Variants in ANXA3 observed in about 807,000 individuals in gnomAD.
ANXA3 encodes 35-alpha calcimedin.
A neutral mutation model predicts 48.8 loss-of-function variants in ANXA3; 46 were observed. That is an observed-to-expected ratio of 0.94 (90% CI 0.74 to 1.21). The LOEUF is 1.21. ANXA3 is among the 50% of genes most tolerant of loss of function. The pLI, the probability that ANXA3 is intolerant of heterozygous loss-of-function variation, is 0.00. For missense variants in ANXA3, 383 were observed against 378.6 expected (o/e 1.01, Z -0.10); for synonymous variants, 128 against 134.7 (o/e 0.95, Z 0.35).
At chr4:78,591,661 G>T (rs1723298274) in intron 7 of ANXA3, 38 bp downstream of exon 7, 1 of 1,414,096 alleles carries the variant, frequency 7.1e-7, no homozygotes, top group Non-Finnish European at 1.0e-6. Flanking sequence ...TCCCCAGTAA[G>T]CTGCATGCTC....
chr4:78,560,733 A>G (rs948671234), intron 2 of ANXA3, among the ~76,000 whole-genome samples: 1 of 152,178 alleles, frequency 6.6e-6, no homozygotes, highest in African/African-American at 2.4e-5. Flanking sequence ...ACCAGCCATC[A>G]TTCTAAGGCT....
intron 6 of ANXA3, among the ~76,000 whole-genome samples, chr4:78,588,064 C>T: frequency 6.6e-6 from 1 of 152,176 alleles, no homozygotes; most frequent in Non-Finnish European, 1.5e-5. Context: ...CCACTGCACT[C>T]CAGCCTGGGC....
chr4:78,605,330 G>A (rs1354801882), intron 12 of ANXA3, among the ~76,000 whole-genome samples: 1 of 152,158 alleles, frequency 6.6e-6, no homozygotes, highest in Non-Finnish European at 1.5e-5. Flanking sequence ...GTATCTCAGT[G>A]TAGTTGTAAT....
At chr4:78,580,945 A>G (rs1475920554) in intron 4 of ANXA3, among the ~76,000 whole-genome samples, 2 of 152,250 alleles carry the variant, frequency 1.3e-5, no homozygotes, top group African/African-American at 4.8e-5. Flanking sequence ...GCCTTTTGGT[A>G]TTTCCAAAAT....
intron 12 of ANXA3, among the ~76,000 whole-genome samples, chr4:78,604,863 G>A (rs377439580): frequency 1.8e-4 from 28 of 152,170 alleles, no homozygotes; most frequent in African/African-American, 6.3e-4. Flanking sequence ...TCCATTGTTT[G>A]TATATTTGTA....
intron 2 of ANXA3, among the ~76,000 whole-genome samples, chr4:78,558,217 T>A (rs755744184): frequency 6.6e-6 from 1 of 152,158 alleles, no homozygotes; most frequent in African/African-American, 2.4e-5. Flanking sequence ...AGGAGACTGG[T>A]CGTTAGGAAT....
intron 10 of ANXA3, among the ~76,000 whole-genome samples, chr4:78,601,174 G>A (rs1578404446): frequency 6.6e-6 from 1 of 152,310 alleles, no homozygotes; most frequent in East Asian, 1.9e-4. Flanking sequence ...GCTGAGCAGT[G>A]TCGCACCCTA....
intron 2 of ANXA3, among the ~76,000 whole-genome samples, chr4:78,562,928 G>A (rs1321105381): frequency 6.6e-6 from 1 of 152,158 alleles, no homozygotes; most frequent in Non-Finnish European, 1.5e-5. Context: ...ACATTTGAAT[G>A]CAACAGGAAG....
chr4:78,599,736 G>A (rs1723497799), intron 10 of ANXA3, among the ~76,000 whole-genome samples: 1 of 151,854 alleles, frequency 6.6e-6, no homozygotes. Flanking sequence ...ATTTTATATT[G>A]TTAATCTATA....
rs1185813734 is a variant in ANXA3 at position 78,604,341 on chromosome 4, T to C, written c.854T>C (p.Leu285Ser). The C allele has an allele frequency of 1.2e-6, 2 of 1,613,400 alleles. No homozygotes were observed. Among genetic ancestry groups the C allele is most frequent in the Non-Finnish European group, 1.7e-6 (2 of 1,179,622 alleles). The stretch of plus-strand genomic sequence containing the variant: ...GTGTCCAGATCAGAAATTGACCTTT[T>C]GGACATTCGAACAGAGTTCAAGAAG... ...IMVSRSEIDL[L>S]DIRTEFKKHY... The change falls in exon 12 of 13, where the codon TTG (leucine) becomes TCG (serine). Residue 285 changes from leucine (L) to serine (S), a missense_variant. Physicochemically the swap from Leu to Ser is moderately radical, Grantham distance 145 (BLOSUM62 -2). Coordinates refer to ENST00000264908, the MANE Select transcript of ANXA3 (RefSeq NM_005139.3).
chr4:78,609,541 G>A lies in ANXA3; in HGVS notation c.913-515G>A, dbSNP rs536930417. Among the ~76,000 whole-genome samples, 168 of 152,284 alleles carry A rather than the reference G, an allele frequency of 1.1e-3. No individual in the cohort carries two copies. The Middle Eastern group carries it at 0.02, about 18-fold the overall frequency. ...AGTGTAGCAGGGTATTAAGGAGCCA[G>A]GATATAGGGATTCAAATCCTGCTTT... On this transcript the variant is annotated intron_variant, in intron 12 of 12. Coordinates refer to ENST00000264908, the MANE Select transcript of ANXA3 (RefSeq NM_005139.3).
At chr4:78,578,427 G>T (rs964246425) in intron 3 of ANXA3, among the ~76,000 whole-genome samples, 1 of 151,822 alleles carries the variant, frequency 6.6e-6, no homozygotes, top group Non-Finnish European at 1.5e-5. Context: ...GCATGAGAGA[G>T]ATGTGGACCA....
chr4:78,605,580 G>C (rs1251911866), intron 12 of ANXA3, among the ~76,000 whole-genome samples: 3 of 152,066 alleles, frequency 2.0e-5, no homozygotes, highest in Middle Eastern at 3.2e-3. Context: ...TTTCCAAGCA[G>C]AGGTTGCACA....
chr4:78,563,061 T>C (rs550792967), intron 2 of ANXA3, among the ~76,000 whole-genome samples: 2 of 152,330 alleles, frequency 1.3e-5, no homozygotes, highest in South Asian at 4.1e-4. Flanking sequence ...AGTCTTCACA[T>C]GGACTGTTCA....
At chr4:78,587,815 C>T (rs923019935) in intron 6 of ANXA3, among the ~76,000 whole-genome samples, 46 of 152,222 alleles carry the variant, frequency 3.0e-4, no homozygotes, top group Admixed American at 1.0e-3. Context: ...CTTAAAGGGC[C>T]GGGTGCGGTG....
At chr4:78,552,056 A>G (rs1050984621) in intron 1 of ANXA3, 197 bp downstream of exon 1, 1 of 152,262 alleles carries the variant, frequency 6.6e-6, no homozygotes, top group African/African-American at 2.4e-5. Context: ...TCAGTCCTGC[A>G]TTTCAGAGTC....
intron 2 of ANXA3, among the ~76,000 whole-genome samples, chr4:78,557,689 C>CTTTT (rs71216222): frequency 6.9e-6 from 1 of 144,320 alleles, no homozygotes; most frequent in Admixed American, 6.9e-5. Context: ...CTGGGTTTTT[C>CTTTT]TTTTTTTTTT....
chr4:78,567,094 T>C (rs1227871165), intron 2 of ANXA3, among the ~76,000 whole-genome samples: 1 of 152,208 alleles, frequency 6.6e-6, no homozygotes, highest in African/African-American at 2.4e-5. Context: ...ACAGTGATCA[T>C]TGCCAGCCAG....
chr4:78,566,282 C>G (rs1039628578), intron 2 of ANXA3, among the ~76,000 whole-genome samples: 5 of 152,138 alleles, frequency 3.3e-5, no homozygotes, highest in African/African-American at 1.2e-4. Context: ...ATCCCACACC[C>G]TCCTCTGTTC....
Sources: allele counts gnomAD v4.1 joint callset (sites outside exome capture counted in the v4.1 genomes callset), GRCh38; gene constraint gnomAD v4.1.1; transcripts MANE v1.5; gene names NCBI Gene and HGNC (gene_info 2026-07-23, HGNC 2026-07-21).